Variants in DLG2 observed in about 807,000 individuals in gnomAD.
DLG2 encodes disks large homolog 2.
Under a neutral mutation model 132.5 loss-of-function variants are expected in DLG2, and 45 were observed. The ratio of observed to expected loss-of-function variants is 0.34; its 90% CI spans 0.27 to 0.44. DLG2 has a LOEUF of 0.44. Ranked by LOEUF, DLG2 falls within the 20% of genes least tolerant of loss-of-function variation. The pLI, the probability that DLG2 is intolerant of heterozygous loss-of-function variation, is 1.00. For missense variants in DLG2, 1,045 were observed against 1,196.9 expected, an observed-to-expected ratio of 0.87 and a Z score of 1.87; for synonymous variants, 424 against 419.6, an observed-to-expected ratio of 1.01 and a Z score of -0.13.
At chr11:84,802,098 TAAAAAAAAAAA>T in intron 6 of DLG2, among the ~76,000 whole-genome samples, 1 of 132,922 alleles carries the variant, frequency 7.5e-6, no homozygotes, top group Non-Finnish European at 1.6e-5. Context: ...TACTTTTAGT[TAAAAAAAAAAA>T]GCAAAAAAAA....
intron 7 of DLG2, among the ~76,000 whole-genome samples, chr11:84,454,489 A>G (rs892679278): frequency 6.6e-6 from 1 of 151,526 alleles, no homozygotes; most frequent in African/African-American, 2.4e-5. Flanking sequence ...GTCCACTCCA[A>G]AGCATTTAAG....
rs1321979122 is a variant in DLG2 at position 83,855,346 on chromosome 11, C to T, written c.1565+19074G>A. Among the ~76,000 whole-genome samples the T allele has an allele frequency of 2.0e-5, 3 of 152,114 alleles. 1 individual carries two copies. The highest frequency in any genetic ancestry group is 7.2e-5 in the African/African-American group (3 of 41,412). On this transcript the variant is annotated intron_variant, in intron 16 of 27. Coordinates refer to ENST00000376104, the MANE Select transcript of DLG2 (RefSeq NM_001142699.3). The stretch of plus-strand genomic sequence containing the variant: ...CTCCAAAGAAGCTGAAAACACATGT[C>T]CACAAAAAAACCTGCACCTGCATGT...
rs563394737 is a variant in DLG2 at position 84,856,604 on chromosome 11, T to C, written c.357+255057A>G. Reference sequence around the variant, plus strand: ...TAGTCTAAGCTATTATCCTTCTTTATCTAAACTCATTTTAATTTTCTCATG... The same window carrying C: ...TAGTCTAAGCTATTATCCTTCTTTACCTAAACTCATTTTAATTTTCTCATG... On this transcript the variant is annotated intron_variant, in intron 6 of 27. Coordinates refer to ENST00000376104, the MANE Select transcript of DLG2 (RefSeq NM_001142699.3). Among the ~76,000 whole-genome samples, 6 of 152,246 alleles carry C rather than the reference T, an allele frequency of 3.9e-5. No individual in the cohort carries two copies. The South Asian group carries it at 6.2e-4, about 16-fold the overall frequency.
chr11:84,922,570 C>G (rs1293315714), intron 6 of DLG2, among the ~76,000 whole-genome samples: 1 of 152,074 alleles, frequency 6.6e-6, no homozygotes, highest in Non-Finnish European at 1.5e-5. Context: ...TCAGTATCAC[C>G]AATTTCCAGT....
intron 6 of DLG2, among the ~76,000 whole-genome samples, chr11:84,750,715 C>T (rs1193374389): frequency 6.6e-6 from 1 of 152,036 alleles, no homozygotes; most frequent in Non-Finnish European, 1.5e-5. Flanking sequence ...GGCTGTTTTT[C>T]AATTACTTCA....
intron 21 of DLG2, among the ~76,000 whole-genome samples, chr11:83,530,579 A>G (rs1347648663): frequency 6.6e-6 from 1 of 152,038 alleles, no homozygotes; most frequent in Non-Finnish European, 1.5e-5. Flanking sequence ...CAGCAATAAG[A>G]TACAGTATTA....
At chr11:85,505,725 T>A (rs965879316) in intron 3 of DLG2, among the ~76,000 whole-genome samples, 1 of 152,224 alleles carries the variant, frequency 6.6e-6, no homozygotes, top group African/African-American at 2.4e-5. Context: ...AGAACGATGC[T>A]GGCCTCATGA....
At chr11:84,241,105 C>G (rs1598199151) in intron 8 of DLG2, among the ~76,000 whole-genome samples, 1 of 152,184 alleles carries the variant, frequency 6.6e-6, no homozygotes, top group East Asian at 1.9e-4. Context: ...CTAGAAATGT[C>G]TTTTTATTCT....
intron 6 of DLG2, among the ~76,000 whole-genome samples, chr11:84,851,855 T>A (rs920502613): frequency 2.6e-5 from 4 of 151,866 alleles, no homozygotes; most frequent in African/African-American, 9.7e-5. Context: ...TTAAATGATA[T>A]AGATTTTTAT....
chr11:84,715,330 CTAAT>C (rs1238716314), intron 6 of DLG2, among the ~76,000 whole-genome samples: 23 of 152,140 alleles, frequency 1.5e-4, no homozygotes, highest in African/African-American at 4.3e-4. Context: ...TACAGCCAAA[CTAAT>C]TAACATACCC....
chr11:84,212,008 T>C (rs776596465), intron 8 of DLG2, among the ~76,000 whole-genome samples: 1 of 152,216 alleles, frequency 6.6e-6, no homozygotes, highest in African/African-American at 2.4e-5. Flanking sequence ...TAAACAGTTA[T>C]GCCAAGACGC....
At chr11:84,821,170 A>T (rs2077629077) in intron 6 of DLG2, among the ~76,000 whole-genome samples, 1 of 151,930 alleles carries the variant, frequency 6.6e-6, no homozygotes, top group Non-Finnish European at 1.5e-5. Context: ...AGTGCTAAAC[A>T]ATAGTTCTCC....
At position 85,122,654 on chromosome 11, in the gene DLG2, T is replaced by A. The variant is rs565257200; in HGVS notation, c.283-10919A>T. 1.5e-4 allele frequency among the ~76,000 whole-genome samples: 23 copies of A among 152,176 alleles called. No homozygotes were observed. The East Asian group carries it at 3.3e-3, about 22-fold the overall frequency. On this transcript the variant is annotated intron_variant, in intron 5 of 27. Coordinates refer to ENST00000376104, the MANE Select transcript of DLG2 (RefSeq NM_001142699.3). ...ATCGATCTTATGAAAACGCAGATTC[T>A]GATTCAGTAGTTTCACACGGGGACT...
At chr11:85,168,014 T>C (rs1486019940) in intron 4 of DLG2, among the ~76,000 whole-genome samples, 1 of 152,090 alleles carries the variant, frequency 6.6e-6, no homozygotes, top group Non-Finnish European at 1.5e-5. Flanking sequence ...TTGAAAAAAC[T>C]GGGCACAGAC....
intron 4 of DLG2, among the ~76,000 whole-genome samples, chr11:85,165,049 G>A (rs1382311636): frequency 6.6e-6 from 1 of 152,144 alleles, no homozygotes; most frequent in African/African-American, 2.4e-5. Context: ...TCTGACACAT[G>A]CTAGTTTGAA....
At chr11:84,505,822 A>G (rs184389180) in intron 7 of DLG2, among the ~76,000 whole-genome samples, 2 of 152,286 alleles carry the variant, frequency 1.3e-5, no homozygotes, top group Admixed American at 6.5e-5. Flanking sequence ...GATTAGAATG[A>G]AAAACAAAAA....
intron 6 of DLG2, among the ~76,000 whole-genome samples, chr11:84,981,704 A>G (rs1207508608): frequency 1.3e-5 from 2 of 152,102 alleles, no homozygotes; most frequent in Admixed American, 6.6e-5. Context: ...ATAAATAAAT[A>G]AAAGATGCTC....
intron 10 of DLG2, among the ~76,000 whole-genome samples, chr11:84,063,063 C>G (rs982593292): frequency 4.6e-5 from 7 of 152,004 alleles, no homozygotes; most frequent in African/African-American, 1.4e-4. Flanking sequence ...TTTTATGAAG[C>G]CGTGAGTTCA....
intron 18 of DLG2, among the ~76,000 whole-genome samples, chr11:83,753,859 T>TATC (rs1269833752): frequency 7.1e-4 from 4 of 5,608 alleles, no homozygotes; most frequent in South Asian, 0.013. Context: ...ATATCATATA[T>TATC]ATATTTCATA....
Sources: allele counts gnomAD v4.1 joint callset (sites outside exome capture counted in the v4.1 genomes callset), GRCh38; gene constraint gnomAD v4.1.1; transcripts MANE v1.5; gene names NCBI Gene and HGNC (gene_info 2026-07-23, HGNC 2026-07-21).